The following WARS2 variants were observed in gnomAD, a reference collection of about 807,000 sequenced individuals.
The protein encoded by WARS2 is tryptophanyl tRNA synthetase 2, mitochondrial.
A neutral mutation model predicts 36.5 loss-of-function variants in WARS2; 28 were observed. The observed-to-expected ratio is 0.77, with a 90% CI of 0.57 to 1.05. WARS2 has a LOEUF of 1.05. Among genes scored for constraint, WARS2 ranks in the 50% least tolerant of loss-of-function variants. WARS2 has a pLI of 0.00. For missense variants in WARS2, 435 were observed against 456.8 expected (o/e 0.95, Z 0.44); for synonymous variants, 174 against 178.4 (o/e 0.98, Z 0.20).
At chr1:119,117,684 C>G (rs1447351632) in intron 1 of WARS2, among the ~76,000 whole-genome samples, 1 of 152,172 alleles carries the variant, frequency 6.6e-6, no homozygotes, top group Non-Finnish European at 1.5e-5. Flanking sequence ...CCAGAGAGTC[C>G]ACTTCACTCC....
rs1435896358 is a variant in WARS2 at position 119,032,633 on chromosome 1, C to T, written c.*278G>A. ...ATTACTCCTTACTTCAATCACATTT[C>T]TGCAGGCCAAGGAGTGTGCCTCAAT... is the stretch of plus-strand genomic sequence containing the variant. On this transcript the variant is annotated 3_prime_UTR_variant, in exon 6 of 6. Transcript: ENST00000235521. The T allele has an allele frequency of 1.2e-5, 5 of 432,820 alleles. No individual in the cohort carries two copies. The highest frequency in any genetic ancestry group is 2.1e-5 in the Non-Finnish European group (5 of 242,920). The allele number at this position is 432,820 out of a possible 1,614,324, so 26.8% of individuals were successfully genotyped here. A position where few individuals can be genotyped will look rare whatever the true frequency, so the allele number is the denominator to read the frequency against.
chr1:119,038,634 T>G (rs1648071058), intron 4 of WARS2, among the ~76,000 whole-genome samples: 1 of 152,140 alleles, frequency 6.6e-6, no homozygotes, highest in Non-Finnish European at 1.5e-5. Context: ...TTGAGGCCTC[T>G]GTTTTCTCAT....
At chr1:119,080,306 C>T (rs1187282398) in intron 1 of WARS2, among the ~76,000 whole-genome samples, 2 of 152,102 alleles carry the variant, frequency 1.3e-5, no homozygotes, top group South Asian at 4.1e-4. Context: ...ATATATTCCT[C>T]CATCTTCAAA....
chr1:119,064,146 C>A (rs1192655855), intron 2 of WARS2: 1 of 152,278 alleles, frequency 6.6e-6, no homozygotes, highest in East Asian at 1.9e-4. Flanking sequence ...GAGTGTGAGA[C>A]CTGGAGTCAA....
intron 3 of WARS2, among the ~76,000 whole-genome samples, chr1:119,043,763 G>A (rs1426377417): frequency 6.6e-6 from 1 of 152,160 alleles, no homozygotes; most frequent in African/African-American, 2.4e-5. Context: ...TAGCATAATG[G>A]ACCTTGAAAT....
At chr1:119,103,270 T>C (rs1653999926) in intron 1 of WARS2, among the ~76,000 whole-genome samples, 1 of 152,170 alleles carries the variant, frequency 6.6e-6, no homozygotes, top group Admixed American at 6.5e-5. Context: ...GTTATCCCTA[T>C]AAGCCTACGC....
intron 1 of WARS2, among the ~76,000 whole-genome samples, chr1:119,114,945 G>A (rs1654868548): frequency 6.6e-6 from 1 of 152,078 alleles, no homozygotes; most frequent in Non-Finnish European, 1.5e-5. Context: ...ACATGCCACT[G>A]CTGTTGCTTC....
chr1:119,068,160 T>C lies in WARS2; in HGVS notation c.348+8190A>G, dbSNP rs540551497. 4.6e-5 allele frequency among the ~76,000 whole-genome samples: 7 copies of C among 152,346 alleles called. No homozygotes were observed. The East Asian group carries it at 1.3e-3, about 29-fold the overall frequency. ...GCAGACGTTTGCTCCCTTTCCATTG[T>C]GAGCTGAAAGAGCACCTATTGTTGG... is the stretch of plus-strand genomic sequence containing the variant. On this transcript the variant is annotated intron_variant, in intron 2 of 5. Coordinates refer to ENST00000235521, the MANE Select transcript of WARS2 (RefSeq NM_015836.4).
chr1:119,068,856 C>CAT (rs60975366), intron 2 of WARS2, among the ~76,000 whole-genome samples: 1 of 45,286 alleles, frequency 2.2e-5, no homozygotes, highest in Non-Finnish European at 4.3e-5. Context: ...CACACACATA[C>CAT]ACACACACAC....
At chr1:119,111,610 G>T (rs969549666) in intron 1 of WARS2, among the ~76,000 whole-genome samples, 2 of 152,108 alleles carry the variant, frequency 1.3e-5, no homozygotes, top group African/African-American at 4.8e-5. Context: ...AATATTTGTT[G>T]TGAGAACCTG....
intron 4 of WARS2, among the ~76,000 whole-genome samples, chr1:119,035,398 C>G (rs111483375): frequency 5.3e-5 from 8 of 152,208 alleles, no homozygotes; most frequent in South Asian, 2.1e-4. Flanking sequence ...TTCGTTTCCT[C>G]TGTAAAGTGA....
chr1:119,102,128 T>C (rs1282814806), intron 1 of WARS2, among the ~76,000 whole-genome samples: 3 of 152,176 alleles, frequency 2.0e-5, no homozygotes, highest in African/African-American at 4.8e-5. Context: ...CCTCATTCAT[T>C]CATCCATCCA....
chr1:119,069,681 T>C (rs1441050148), intron 2 of WARS2, among the ~76,000 whole-genome samples: 1 of 152,208 alleles, frequency 6.6e-6, no homozygotes, highest in Non-Finnish European at 1.5e-5. Flanking sequence ...CTTCATTTTT[T>C]AAGGGATTTC....
At chr1:119,056,870 G>T (rs1326058221) in intron 2 of WARS2, among the ~76,000 whole-genome samples, 1 of 152,018 alleles carries the variant, frequency 6.6e-6, no homozygotes, top group African/African-American at 2.4e-5. Flanking sequence ...GTAGATTATT[G>T]GTAAAGTCTT....
chr1:119,057,388 C>A (rs1295289154), intron 2 of WARS2, among the ~76,000 whole-genome samples: 1 of 151,534 alleles, frequency 6.6e-6, no homozygotes, highest in South Asian at 2.1e-4. Flanking sequence ...TCGTGATCCT[C>A]CCTCCTCGGC....
intron 2 of WARS2, chr1:119,062,728 T>C (rs556728765): frequency 1.4e-4 from 22 of 156,346 alleles, no homozygotes; most frequent in Non-Finnish European, 2.5e-4. Context: ...AGTTTCCACT[T>C]TTGCTTCTTC....
intron 1 of WARS2, among the ~76,000 whole-genome samples, chr1:119,093,424 C>CTT: frequency 6.7e-6 from 1 of 149,502 alleles, no homozygotes; most frequent in Non-Finnish European, 1.5e-5. Flanking sequence ...CAGAATGTAA[C>CTT]TTTATTTGTA....
chr1:119,066,581 G>A (rs1650894492), intron 2 of WARS2, among the ~76,000 whole-genome samples: 1 of 150,890 alleles, frequency 6.6e-6, no homozygotes. Flanking sequence ...CAAATCAATA[G>A]GAAAATACAA....
At position 119,045,564 on chromosome 1, in the gene WARS2, C is replaced by T; in HGVS notation, c.429+18G>A. 1 of 1,575,342 alleles carries T rather than the reference C, an allele frequency of 6.3e-7. No individual in the cohort carries two copies. The highest frequency in any genetic ancestry group is 8.7e-7 in the Non-Finnish European group (1 of 1,154,382). ...AATAGCTTCTTGTCTGTTTATTAATCAGATTACTGGCATTTACCTTCCACT... is the reference window on the plus strand; with the variant it reads ...AATAGCTTCTTGTCTGTTTATTAATTAGATTACTGGCATTTACCTTCCACT... On this transcript the variant is annotated intron_variant, in intron 3 of 5. Coordinates refer to ENST00000235521, the MANE Select transcript of WARS2 (RefSeq NM_015836.4).
Sources: gnomAD v4.1 joint callset for allele counts (sites outside exome capture counted in the v4.1 genomes callset) on GRCh38, gnomAD v4.1.1 for gene constraint, MANE v1.5 for transcripts, NCBI Gene and HGNC (gene_info 2026-07-23, HGNC 2026-07-21) for gene names.